Variants in EXOC4 observed in about 807,000 individuals in gnomAD.
The protein encoded by EXOC4 is SEC8-like 1.
A neutral mutation model predicts 107.2 loss-of-function variants in EXOC4; 71 were observed. The observed-to-expected ratio is 0.66, with a 90% CI of 0.55 to 0.81. The LOEUF is 0.81. Among genes scored for constraint, EXOC4 ranks in the 30% least tolerant of loss-of-function variants. EXOC4 has a pLI of 0.00. For missense variants in EXOC4, 1,108 were observed against 1,189.6 expected, an observed-to-expected ratio of 0.93 and a Z score of 1.01; for synonymous variants, 456 against 441.2, an observed-to-expected ratio of 1.03 and a Z score of -0.42.
At chr7:133,710,251 C>T (rs13246174) in intron 10 of EXOC4, among the ~76,000 whole-genome samples, 71,394 of 151,802 alleles carry the variant, frequency 0.47, 17,131 homozygotes, top group South Asian at 0.61. Context: ...ATGTGCCATC[C>T]GGAGTCTTCC....
rs148545342 is a variant in EXOC4, at chr7:133,779,859, C to G, written c.1515-37466C>G. On this transcript the variant is annotated intron_variant, in intron 10 of 17. Transcript: ENST00000253861. ...GGCGGGGACAAATAAGGGAATAAACCTGGCCACCCCAGCCAGCAGCAGCAA... is the reference window on the plus strand; with the variant it reads ...GGCGGGGACAAATAAGGGAATAAACGTGGCCACCCCAGCCAGCAGCAGCAA... 2.5e-3 allele frequency among the ~76,000 whole-genome samples: 362 copies of G among 145,368 alleles called. 5 individuals carry two copies. The highest frequency in any genetic ancestry group is 8.8e-3 in the African/African-American group (338 of 38,558).
At chr7:133,536,758 C>T (rs1800277891) in intron 9 of EXOC4, among the ~76,000 whole-genome samples, 1 of 152,060 alleles carries the variant, frequency 6.6e-6, no homozygotes, top group East Asian at 1.9e-4. Context: ...TGCTTCGTCA[C>T]ATGTGTGCTC....
intron 1 of EXOC4, among the ~76,000 whole-genome samples, chr7:133,265,330 T>C (rs1224829121): frequency 2.0e-5 from 3 of 151,938 alleles, no homozygotes; most frequent in Non-Finnish European, 4.4e-5. Flanking sequence ...TTCCATTATG[T>C]AGTTTAAGAA....
intron 4 of EXOC4, among the ~76,000 whole-genome samples, chr7:133,310,222 C>T (rs1355058903): frequency 1.3e-5 from 2 of 152,142 alleles, no homozygotes; most frequent in African/African-American, 2.4e-5. Context: ...TACTGCAGCC[C>T]TCCTTTGTCA....
At chr7:133,607,558 T>G (rs1412798200) in intron 9 of EXOC4, among the ~76,000 whole-genome samples, 1 of 152,134 alleles carries the variant, frequency 6.6e-6, no homozygotes, top group African/African-American at 2.4e-5. Flanking sequence ...CAATATGTAG[T>G]AAATAAATAA....
intron 5 of EXOC4, 112 bp downstream of exon 5, chr7:133,317,502 C>A: frequency 1.4e-6 from 1 of 694,448 alleles, no homozygotes; most frequent in Non-Finnish European, 2.5e-6. Context: ...CTAGGTGGGC[C>A]TGAGCTAGGT....
At chr7:133,808,248 A>C (rs1797126501) in intron 10 of EXOC4, among the ~76,000 whole-genome samples, 1 of 152,180 alleles carries the variant, frequency 6.6e-6, no homozygotes, top group Admixed American at 6.6e-5. Context: ...GTTGGGAGAG[A>C]ACCTCTTCCT....
intron 10 of EXOC4, among the ~76,000 whole-genome samples, chr7:133,716,136 ATACT>A (rs1430312740): frequency 6.6e-6 from 1 of 152,232 alleles, no homozygotes; most frequent in Non-Finnish European, 1.5e-5. Context: ...TTCTAGCATG[ATACT>A]TAAGTATTCT....
chr7:133,394,140 A>G (rs1047386887), intron 7 of EXOC4, among the ~76,000 whole-genome samples: 2 of 152,228 alleles, frequency 1.3e-5, no homozygotes, highest in African/African-American at 4.8e-5. Context: ...TATTACTATT[A>G]TATAGCCAAT....
At chr7:133,403,654 G>A (rs1221965835) in intron 7 of EXOC4, among the ~76,000 whole-genome samples, 5 of 152,186 alleles carry the variant, frequency 3.3e-5, no homozygotes, top group African/African-American at 1.2e-4. Context: ...CATTGGCTGG[G>A]TTTTGTGGCT....
intron 17 of EXOC4, among the ~76,000 whole-genome samples, chr7:134,019,510 C>T (rs1794983040): frequency 6.6e-6 from 1 of 152,048 alleles, no homozygotes; most frequent in Non-Finnish European, 1.5e-5. Flanking sequence ...CAGCACATGA[C>T]ATGAACGTTA....
At chr7:133,701,987 TTC>T (rs1204828409) in intron 10 of EXOC4, among the ~76,000 whole-genome samples, 2 of 132,280 alleles carry the variant, frequency 1.5e-5, no homozygotes, top group African/African-American at 5.5e-5. Flanking sequence ...TTCCTTTTCT[TTC>T]TTTCTTTCTT....
intron 7 of EXOC4, among the ~76,000 whole-genome samples, chr7:133,391,290 G>A (rs998631926): frequency 3.9e-5 from 6 of 152,206 alleles, no homozygotes; most frequent in African/African-American, 1.4e-4. Context: ...AATGACGAAA[G>A]CTCAGCACGA....
chr7:133,281,286 T>TAAAA (rs1370277269), intron 2 of EXOC4, among the ~76,000 whole-genome samples: 21 of 102,568 alleles, frequency 2.0e-4, no homozygotes, highest in Non-Finnish European at 3.3e-4. Context: ...AGTGTAATAA[T>TAAAA]AAAAAATAAA....
chr7:134,084,667 AAG>A, the EXOC4 span, among the ~76,000 whole-genome samples: 1 of 151,544 alleles, frequency 6.6e-6, no homozygotes, highest in Non-Finnish European at 1.5e-5. Flanking sequence ...CAAGTGCTCA[AAG>A]AGAGGACAAA....
chr7:133,484,112 G>T, intron 9 of EXOC4: 1 of 1,612,464 alleles, frequency 6.2e-7, no homozygotes, highest in East Asian at 2.2e-5. Flanking sequence ...CAAAAGTTAA[G>T]TTCCTGCCAA....
chr7:133,830,395 G>A (rs1585182553), intron 11 of EXOC4, among the ~76,000 whole-genome samples: 4 of 152,236 alleles, frequency 2.6e-5, no homozygotes, highest in African/African-American at 9.6e-5. Context: ...TCGTGAAGAG[G>A]AGGAGTACAC....
At chr7:133,499,232 G>A (rs909367144) in intron 9 of EXOC4, among the ~76,000 whole-genome samples, 1 of 151,972 alleles carries the variant, frequency 6.6e-6, no homozygotes, top group African/African-American at 2.4e-5. Context: ...TTTAAAATGT[G>A]TGTTTATCAT....
chr7:133,327,650 T>A (rs1306770680), intron 5 of EXOC4, among the ~76,000 whole-genome samples: 2 of 152,176 alleles, frequency 1.3e-5, no homozygotes, highest in Non-Finnish European at 2.9e-5. Context: ...TTTGTTCTCA[T>A]TGGTTTCAAG....
Sources: gnomAD v4.1 joint callset for allele counts (sites outside exome capture counted in the v4.1 genomes callset) on GRCh38, gnomAD v4.1.1 for gene constraint, MANE v1.5 for transcripts, NCBI Gene and HGNC (gene_info 2026-07-23, HGNC 2026-07-21) for gene names.